FRMPD2: variants seen among roughly 807,000 people sequenced by gnomAD.
FRMPD2 encodes the protein FERM and PDZ domain containing 2.
Under a neutral mutation model 140.1 loss-of-function variants are expected in FRMPD2, and 96 were observed. The ratio of observed to expected loss-of-function variants is 0.69; its 90% confidence interval spans 0.58 to 0.81. FRMPD2 has a LOEUF of 0.81. FRMPD2 is among the 40% of genes least tolerant of loss of function. FRMPD2 has a pLI of 0.00. For synonymous variants in FRMPD2, 449 were observed against 547.6 expected (o/e 0.82, Z 2.52); for missense variants, 1,240 against 1,447.4 (o/e 0.86, Z 2.32).
intron 4 of FRMPD2, among the ~76,000 whole-genome samples, chr10:48,243,815 G>A (rs1314145803): frequency 6.6e-6 from 1 of 152,142 alleles, no homozygotes; most frequent in Non-Finnish European, 1.5e-5. Context: ...GGAAGGAAGG[G>A]AGGAGGAGGG....
chr10:48,213,455 G>A (rs1371729835), intron 12 of FRMPD2, among the ~76,000 whole-genome samples: 2 of 152,236 alleles, frequency 1.3e-5, no homozygotes, highest in African/African-American at 4.8e-5. Flanking sequence ...CTTACCATAT[G>A]ATTGAGCAAT....
At chr10:48,240,919 T>A (rs991946912) in intron 5 of FRMPD2, among the ~76,000 whole-genome samples, 1 of 152,164 alleles carries the variant, frequency 6.6e-6, no homozygotes, top group African/African-American at 2.4e-5. Context: ...TCCCCCAACA[T>A]CTCTGTGTGC....
In FRMPD2 at chr10:48,212,586, T is replaced by A. The variant is rs75026126; in HGVS notation, c.1456-477A>T. ...CTAAAACTCTATGTTGTTTTTTTTT[T>A]AATTCATTTAGCATTTCTGTCTACA... On this transcript the variant is annotated intron_variant, in intron 12 of 28. Transcript: ENST00000374201. 2.4e-3 allele frequency among the ~76,000 whole-genome samples: 365 copies of A among 150,240 alleles called. 2 individuals carry two copies. Among genetic ancestry groups the A allele is most frequent in the African/African-American group, 8.7e-3 (351 of 40,376 alleles).
intron 1 of FRMPD2, among the ~76,000 whole-genome samples, chr10:48,254,619 G>T (rs961373632): frequency 3.9e-5 from 6 of 152,252 alleles, no homozygotes; most frequent in African/African-American, 1.4e-4. Flanking sequence ...TTCCTTGAAC[G>T]ACAATACACT....
At chr10:48,177,856 G>A in intron 22 of FRMPD2, 191 bp downstream of exon 22, 4 of 472,808 alleles carry the variant, frequency 8.5e-6, no homozygotes, top group African/African-American at 5.9e-5. Flanking sequence ...TGCTCATCCT[G>A]AGGTTCCCCA....
intron 1 of FRMPD2, among the ~76,000 whole-genome samples, chr10:48,272,338 C>T (rs1036789742): frequency 3.3e-5 from 5 of 152,108 alleles, no homozygotes; most frequent in African/African-American, 9.7e-5. Flanking sequence ...TGTTAAATTT[C>T]CAGAAATTTT....
intron 1 of FRMPD2, among the ~76,000 whole-genome samples, chr10:48,261,486 G>T (rs778044911): frequency 6.6e-6 from 1 of 152,062 alleles, no homozygotes; most frequent in Non-Finnish European, 1.5e-5. Context: ...CAAGTAAAAA[G>T]ATCGTAGGAC....
At chr10:48,246,307 G>C (rs1416280183) in intron 3 of FRMPD2, among the ~76,000 whole-genome samples, 1 of 152,232 alleles carries the variant, frequency 6.6e-6, no homozygotes, top group Non-Finnish European at 1.5e-5. Context: ...ACTGCCAGAG[G>C]CACCACCCAC....
At chr10:48,234,307 G>T (rs901926533) in intron 9 of FRMPD2, among the ~76,000 whole-genome samples, 1 of 152,172 alleles carries the variant, frequency 6.6e-6, no homozygotes, top group Non-Finnish European at 1.5e-5. Context: ...GACAGAGAAA[G>T]CACATATAGA....
At chr10:48,231,982 C>T in intron 10 of FRMPD2, 133 bp downstream of exon 10, 1 of 733,876 alleles carries the variant, frequency 1.4e-6, no homozygotes, top group Non-Finnish European at 2.4e-6. Context: ...GTCATGCTGA[C>T]TAATGTCTAG....
At chr10:48,268,790 C>T (rs778626526) in intron 1 of FRMPD2, among the ~76,000 whole-genome samples, 1 of 152,126 alleles carries the variant, frequency 6.6e-6, no homozygotes, top group Non-Finnish European at 1.5e-5. Context: ...TAAATCTACA[C>T]AAGTATTACA....
At chr10:48,190,169 C>T (rs1838794967) in intron 16 of FRMPD2, among the ~76,000 whole-genome samples, 1 of 152,202 alleles carries the variant, frequency 6.6e-6, no homozygotes, top group Non-Finnish European at 1.5e-5. Context: ...CTTTGGCCCA[C>T]CTCAGACTTC....
intron 1 of FRMPD2, among the ~76,000 whole-genome samples, chr10:48,266,949 A>G (rs1283112201): frequency 6.6e-6 from 1 of 152,222 alleles, no homozygotes; most frequent in Non-Finnish European, 1.5e-5. Context: ...TCAGCAGAGG[A>G]CTAGAGGGGA....
chr10:48,208,448 A>G (rs904515976), intron 13 of FRMPD2, among the ~76,000 whole-genome samples: 1 of 152,180 alleles, frequency 6.6e-6, no homozygotes. Flanking sequence ...ATTATTATTT[A>G]ATCTTCAGAA....
At chr10:48,211,915 T>C in intron 13 of FRMPD2, 39 bp downstream of exon 13, 1 of 1,598,368 alleles carries the variant, frequency 6.3e-7, no homozygotes, top group Non-Finnish European at 8.5e-7. Flanking sequence ...TGCATTCCCT[T>C]GAAGACCAAC....
chr10:48,252,162 G>A (rs1255865806), intron 1 of FRMPD2, among the ~76,000 whole-genome samples: 1 of 152,036 alleles, frequency 6.6e-6, no homozygotes, highest in African/African-American at 2.4e-5. Flanking sequence ...CAGATTTGGT[G>A]CCAGTACCAC....
intron 24 of FRMPD2, 109 bp downstream of exon 24, chr10:48,174,761 A>G: frequency 1.1e-6 from 1 of 935,070 alleles, no homozygotes. Flanking sequence ...ACAAAGAAAA[A>G]GTCTTGTTTC....
rs576853343 is a variant in FRMPD2, at chr10:48,203,057, A to G, written c.1798-1673T>C. On this transcript the variant is annotated intron_variant, in intron 14 of 28. Coordinates refer to ENST00000374201, the MANE Select transcript of FRMPD2 (RefSeq NM_001018071.4). ...TTAAGTGATCCTCCTCAGCCTCTGA[A>G]AGTGCTGGGATTACAGGGGTGAGCC... is the stretch of plus-strand genomic sequence containing the variant. Among the ~76,000 whole-genome samples the G allele has an allele frequency of 2.0e-5, 3 of 152,292 alleles. No individual in the cohort carries two copies. The East Asian group carries it at 5.8e-4, about 29-fold the overall frequency.
At chr10:48,206,005 C>T (rs1000812956) in intron 14 of FRMPD2, among the ~76,000 whole-genome samples, 7 of 151,882 alleles carry the variant, frequency 4.6e-5, no homozygotes, top group Non-Finnish European at 1.0e-4. Context: ...TTTCAGGGGC[C>T]GCAAGATAAA....
Sources: allele counts gnomAD v4.1 joint callset (sites outside exome capture counted in the v4.1 genomes callset), GRCh38; gene constraint gnomAD v4.1.1; transcripts MANE v1.5; gene names NCBI Gene and HGNC (gene_info 2026-07-23, HGNC 2026-07-21).